The following SIPA1 variants were observed in gnomAD, a reference collection of about 807,000 sequenced individuals.
SIPA1 encodes signal-induced proliferation-associated protein 1.
In SIPA1, 51 loss-of-function variants were observed where a neutral mutation model predicts 88.1. That is an observed-to-expected ratio of 0.58 (90% CI 0.46 to 0.73). The LOEUF (loss-of-function observed/expected upper bound fraction) is 0.73, where lower values mean the gene tolerates loss of function less well. Among genes scored for constraint, SIPA1 ranks in the 30% least tolerant of loss-of-function variants. The pLI is 0.00. For synonymous variants in SIPA1, 681 were observed against 664.8 expected (o/e 1.02, Z -0.37); for missense variants, 1,348 against 1,467.6 (o/e 0.92, Z 1.33).
Position 65,646,610 on chromosome 11 carries a change from G to A in SIPA1, c.1576G>A (p.Ala526Thr). The A allele has an allele frequency of 6.5e-7, 1 of 1,544,554 alleles. No individual in the cohort carries two copies. Among genetic ancestry groups the A allele is most frequent in the Non-Finnish European group, 8.7e-7 (1 of 1,149,442 alleles). The change falls in exon 8 of 16, where the codon GCC becomes ACC. Residue 526 changes from alanine to threonine, a missense_variant. Physicochemically the swap from Ala to Thr is moderately conservative, Grantham distance 58. Coordinates refer to ENST00000534313, the MANE Select transcript of SIPA1 (RefSeq NM_006747.4). The surrounding 1 kb of genome is among the most constrained non-coding windows in gnomAD (Gnocchi z 7.5). ...QAAGHARQFH[A>T]MATRTRQQYL... ...GGCCGGCCACGCGCGCCAGTTCCAC[G>A]CCATGGCCACGCGCACCCGCCAGCA... is the stretch of plus-strand genomic sequence containing the variant.
chr11:65,640,630 C>T (rs1016917192), intron 1 of SIPA1, among the ~76,000 whole-genome samples: 1 of 152,226 alleles, frequency 6.6e-6, no homozygotes, highest in African/African-American at 2.4e-5. Flanking sequence ...AACAGCCCAG[C>T]CTCTAGCCTT....
intron 8 of SIPA1, 26 bp from the exon 9 acceptor site, chr11:65,647,357 CG>C: frequency 7.2e-7 from 1 of 1,387,430 alleles, no homozygotes; most frequent in Non-Finnish European, 9.3e-7. Flanking sequence ...CCGGCAGCCC[CG>C]CCCACTCGTC....
At chr11:65,647,875 T>TC (rs1491483986) in intron 9 of SIPA1, among the ~76,000 whole-genome samples, 6 of 123,648 alleles carry the variant, frequency 4.9e-5, no homozygotes, top group South Asian at 3.4e-4. Flanking sequence ...CTCCTCTCTC[T>TC]TTTTTTTTTT....
In SIPA1 at chr11:65,646,289, C is replaced by G; in HGVS notation, c.1332C>G (p.Pro444=). 3 of 1,614,138 alleles carry G rather than the reference C, an allele frequency of 1.9e-6. No individual in the cohort carries two copies. The highest frequency in any genetic ancestry group is 2.5e-6 in the Non-Finnish European group (3 of 1,180,000). The change falls in exon 7 of 16, where the codon CCC becomes CCG. Residue 444 remains proline (P), a synonymous_variant. Transcript: ENST00000534313. This position sits in a 1 kb window ranked among gnomAD's most constrained non-coding sequence, Gnocchi z 7.5. ...TIVFQEPGSK[P]FCPTTIRSHF... ...TGTTCCAGGAGCCTGGCAGCAAGCC[C>G]TTCTGCCCCACCACCATCCGCTCGC... is the stretch of plus-strand genomic sequence containing the variant.
At position 65,641,388 on chromosome 11, in the gene SIPA1, C is replaced by T. The variant is rs760010599; in HGVS notation, c.467C>T (p.Ser156Leu). The T allele has an allele frequency of 4.1e-5, 66 of 1,613,160 alleles. No individual in the cohort carries two copies. Among genetic ancestry groups the T allele is most frequent in the Non-Finnish European group, 5.1e-5 (60 of 1,180,026 alleles). Reference protein sequence around the residue: ...LASAEDQAASSDLLHGAPGFV... With the variant: ...LASAEDQAASLDLLHGAPGFV... Reference sequence around the variant, plus strand: ...TCAGCCGAGGACCAGGCTGCCAGCTCGGACCTGCTGCATGGGGCACCTGGC... The same window carrying T: ...TCAGCCGAGGACCAGGCTGCCAGCTTGGACCTGCTGCATGGGGCACCTGGC... Residue 156 changes from serine (S) to leucine (L), a missense_variant, in exon 2 of 16, where the codon TCG (serine) becomes TTG (leucine). Coordinates refer to ENST00000534313, the MANE Select transcript of SIPA1 (RefSeq NM_006747.4).
At chr11:65,641,715 C>CCTGGGAGGGCT in intron 2 of SIPA1, 115 bp downstream of exon 2, 1 of 1,007,522 alleles carries the variant, frequency 9.9e-7, no homozygotes, top group South Asian at 1.7e-5. Context: ...AGTCCCTGGC[C>CCTGGGAGGGCT]CTGGGAGGGC....
Position 65,649,952 on chromosome 11 carries a change from A to G in SIPA1, c.2749A>G (p.Met917Val). ...CAGCCTGCTCCTTGTGCCCACAGTC[A>G]TGTCGGAGGCGGGCAGTGGGACCCT... ...LSLRNSISRI[M>V]SEAGSGTLED... The change falls in exon 13 of 16, where the codon ATG becomes GTG. Residue 917 changes from methionine (M) to valine (V), a missense_variant and splice_region_variant. Around this residue, in one of 4 missense-constraint regions of SIPA1, gnomAD observed 615 missense variants for 559.8 expected, o/e 1.10. Coordinates refer to ENST00000534313, the MANE Select transcript of SIPA1 (RefSeq NM_006747.4). 1 of 1,613,926 alleles carries G rather than the reference A, an allele frequency of 6.2e-7. No individual in the cohort carries two copies. Among genetic ancestry groups the G allele is most frequent in the East Asian group, 2.2e-5 (1 of 44,880 alleles).
chr11:65,650,792 G>A lies in SIPA1; in HGVS notation c.*77G>A. On this transcript the variant is annotated 3_prime_UTR_variant, in exon 16 of 16. Coordinates refer to ENST00000534313, the MANE Select transcript of SIPA1 (RefSeq NM_006747.4). ...TCCTCAGGAACTCTCCCTGCGCAGA[G>A]GCGTGTCTTAGCACTGCCCCCCTCC... The A allele has an allele frequency of 2.8e-6, 4 of 1,424,350 alleles. No homozygotes were observed. The highest frequency in any genetic ancestry group is 2.6e-5 in the Admixed American group (1 of 37,766). 88.2% of individuals were successfully genotyped at this position (1,424,350 alleles called of 1,614,324 possible). A position where few individuals can be genotyped will look rare whatever the true frequency, so the allele number is the denominator to read the frequency against.
At position 65,649,646 on chromosome 11, in the gene SIPA1, G is replaced by A. The variant is rs1381427507; in HGVS notation, c.2611G>A (p.Ala871Thr). The change falls in exon 11 of 16, where the codon GCT (alanine) becomes ACT (threonine). Residue 871 changes from alanine to threonine, a missense_variant. Ala to Thr is a moderately conservative substitution (Grantham distance 58). This residue lies in a region of SIPA1 where 615 missense variants were observed against 559.8 expected (regional missense o/e 1.10). Transcript: ENST00000534313. ...CACAGCCAAGCCATCAGTACCCAGT[G>A]CTGACAGTGAGACACCCCTGACCCA... ...ATTAKPSVPS[A>T]DSETPLTQDR... is the part of the protein sequence containing the mutation. 1.2e-6 allele frequency: 2 copies of A among 1,614,056 alleles called. No individual in the cohort carries two copies. The highest frequency in any genetic ancestry group is 1.7e-6 in the Non-Finnish European group (2 of 1,180,038).
Position 65,642,407 on chromosome 11 carries a change from G to A in SIPA1, c.807+30G>A. The stretch of plus-strand genomic sequence containing the variant: ...GCCGGGATCGCGGGATCAGGACGTG[G>A]GTTGCCTCCCCGACACCTTGTATGC... On this transcript the variant is annotated intron_variant, in intron 3 of 15. Coordinates refer to ENST00000534313, the MANE Select transcript of SIPA1 (RefSeq NM_006747.4). The surrounding 1 kb of genome is among the most constrained non-coding windows in gnomAD (Gnocchi z 6.5). 6.3e-7 allele frequency: 1 copy of A among 1,594,856 alleles called. No homozygotes were observed. The highest frequency in any genetic ancestry group is 1.1e-5 in the South Asian group (1 of 89,562).
chr11:65,641,034 C>T lies in SIPA1; in HGVS notation c.113C>T (p.Pro38Leu), dbSNP rs774759328. Residue 38 changes from proline (P) to leucine (L), a missense_variant, in exon 2 of 16, where the codon CCG (proline) becomes CTG (leucine). Pro to Leu is a moderately conservative substitution (Grantham distance 98). This residue lies in a region of SIPA1 where 641 missense variants were observed against 797.7 expected (regional missense o/e 0.80). Coordinates refer to ENST00000534313, the MANE Select transcript of SIPA1 (RefSeq NM_006747.4). ...CAGCCAGCAAGGCCCCCGCTGACAC[C>T]GCACACCTTCGAGCCGAGGCCAGTC... ...LRQPARPPLT[P>L]HTFEPRPVRG... is the part of the protein sequence containing the mutation. 64 of 1,592,014 alleles carry T rather than the reference C, an allele frequency of 4.0e-5. No individual in the cohort carries two copies. In the African/African-American group the frequency reaches 5.6e-4, roughly 14 times the overall value.
chr11:65,638,605 G>A (rs1855943876), intron 1 of SIPA1, among the ~76,000 whole-genome samples: 1 of 152,228 alleles, frequency 6.6e-6, no homozygotes, highest in African/African-American at 2.4e-5. Context: ...AGCCGAAATG[G>A]GGTCATGACC....
chr11:65,646,763 G>A lies in SIPA1; in HGVS notation c.1729G>A (p.Ala577Thr). 1.3e-6 allele frequency: 2 copies of A among 1,491,098 alleles called. No homozygotes were observed. Among genetic ancestry groups the A allele is most frequent in the Non-Finnish European group, 1.8e-6 (2 of 1,127,622 alleles). 92.4% of individuals were successfully genotyped at this position (1,491,098 alleles called of 1,614,324 possible). ...APRGPGAELQ[A>T]AGSLVWGVRA... ...TCGGGGCCCAGGCGCCGAGCTGCAGGCAGCGGGCTCACTGGTGTGGGGAGT... is the reference window on the plus strand; with the variant it reads ...TCGGGGCCCAGGCGCCGAGCTGCAGACAGCGGGCTCACTGGTGTGGGGAGT... Residue 577 changes from alanine to threonine, a missense_variant, in exon 8 of 16, where the codon GCA (alanine) becomes ACA (threonine). Physicochemically the swap from Ala to Thr is moderately conservative, Grantham distance 58 (BLOSUM62 0). Transcript: ENST00000534313. The surrounding 1 kb of genome is among the most constrained non-coding windows in gnomAD (Gnocchi z 7.5).
At chr11:65,648,159 C>G (rs1002031113) in intron 9 of SIPA1, among the ~76,000 whole-genome samples, 1 of 152,132 alleles carries the variant, frequency 6.6e-6, no homozygotes, top group African/African-American at 2.4e-5. Flanking sequence ...AGGCGTGAGT[C>G]ACCGCGCCCT....
In SIPA1 at chr11:65,646,974, T is replaced by C. The variant is rs1395549031; in HGVS notation, c.1940T>C (p.Leu647Pro). The change falls in exon 8 of 16, where the codon CTG becomes CCG. Residue 647 changes from leucine to proline, a missense_variant. Coordinates refer to ENST00000534313, the MANE Select transcript of SIPA1 (RefSeq NM_006747.4). The surrounding 1 kb of genome is among the most constrained non-coding windows in gnomAD (Gnocchi z 7.5). ...GCCTGGACCTTCTCCGAGCAGCAGC[T>C]GGACCTGTACCACGGCCGCGGGGAG... ...VLAWTFSEQQLDLYHGRGEAI... is the reference protein window; with the variant it reads ...VLAWTFSEQQPDLYHGRGEAI... 1 of 1,540,580 alleles carries C rather than the reference T, an allele frequency of 6.5e-7. No individual in the cohort carries two copies. Among genetic ancestry groups the C allele is most frequent in the Admixed American group, 1.9e-5 (1 of 51,386 alleles).
In SIPA1 at chr11:65,646,849, C is replaced by G. The variant is rs1443517893; in HGVS notation, c.1815C>G (p.Ile605Met). 6.9e-7 allele frequency: 1 copy of G among 1,446,900 alleles called. No individual in the cohort carries two copies. Among genetic ancestry groups the G allele is most frequent in the Non-Finnish European group, 9.1e-7 (1 of 1,100,930 alleles). The allele number at this position is 1,446,900 out of a possible 1,614,324, so 89.6% of individuals were successfully genotyped here. A position where few individuals can be genotyped will look rare whatever the true frequency, so the allele number is the denominator to read the frequency against. ...AGAQASGPEG[I>M]EVPCLLGISA... ...CTCAGGCGAGCGGCCCCGAAGGCAT[C>G]GAGGTGCCCTGCCTGCTGGGCATCT... Residue 605 changes from isoleucine to methionine, a missense_variant, in exon 8 of 16, where the codon ATC becomes ATG. By Grantham distance (10) the Ile-to-Met change is conservative (BLOSUM62 1). Around this residue, in one of 4 missense-constraint regions of SIPA1, gnomAD observed 24 missense variants for 51.1 expected, o/e 0.47. Coordinates refer to ENST00000534313, the MANE Select transcript of SIPA1 (RefSeq NM_006747.4). This position sits in a 1 kb window ranked among gnomAD's most constrained non-coding sequence, Gnocchi z 7.5.
At chr11:65,650,295 AT>A in intron 14 of SIPA1, 103 bp downstream of exon 14, 1 of 1,535,268 alleles carries the variant, frequency 6.5e-7, no homozygotes, top group Non-Finnish European at 9.0e-7. Flanking sequence ...GCTGCCACAT[AT>A]GCCTAGAAGA....
At chr11:65,647,723 T>C in intron 9 of SIPA1, 65 bp downstream of exon 9, 1 of 1,232,700 alleles carries the variant, frequency 8.1e-7, no homozygotes, top group African/African-American at 1.6e-5. Flanking sequence ...AGTCTGCGCC[T>C]CCCGGGTCGC....
At chr11:65,645,419 G>C (rs952126951) in intron 5 of SIPA1, among the ~76,000 whole-genome samples, 3 of 152,052 alleles carry the variant, frequency 2.0e-5, no homozygotes, top group African/African-American at 7.2e-5. Flanking sequence ...GTGGAAGAGA[G>C]GTGCCCCTAC....
Sources: allele counts gnomAD v4.1 joint callset (sites outside exome capture counted in the v4.1 genomes callset), GRCh38; gene constraint gnomAD v4.1.1; regional missense constraint gnomAD v4.1.1; non-coding constraint Gnocchi (gnomAD v3.1); transcripts MANE v1.5; gene names NCBI Gene and HGNC (gene_info 2026-07-23, HGNC 2026-07-21).